The following RASGEF1C variants were observed in gnomAD, a reference collection of about 807,000 sequenced individuals.
RASGEF1C encodes ras-GEF domain-containing family member 1C.
Under a neutral mutation model 58.1 loss-of-function variants are expected in RASGEF1C, and 27 were observed. The ratio of observed to expected loss-of-function variants is 0.46; its 90% CI spans 0.34 to 0.64. The LOEUF (loss-of-function observed/expected upper bound fraction) is 0.64, where lower values mean the gene tolerates loss of function less well. Ranked by LOEUF, RASGEF1C falls within the 30% of genes least tolerant of loss-of-function variation. The pLI, the probability that RASGEF1C is intolerant of heterozygous loss-of-function variation, is 0.01. For missense variants in RASGEF1C, 502 were observed against 605.1 expected (o/e 0.83, Z 1.79); for synonymous variants, 243 against 246.3 (o/e 0.99, Z 0.13).
chr5:180,186,101 G>GAAAAAAAAAAAAAAA (rs35778456), intron 1 of RASGEF1C, among the ~76,000 whole-genome samples: 1 of 81,140 alleles, frequency 1.2e-5, no homozygotes. Flanking sequence ...TATCTCCACA[G>GAAAAAAAAAAAAAAA]AAAAAAAAAA....
intron 1 of RASGEF1C, among the ~76,000 whole-genome samples, chr5:180,159,969 G>A (rs1004521242): frequency 4.6e-5 from 7 of 152,166 alleles, no homozygotes; most frequent in Non-Finnish European, 7.3e-5. Context: ...CACATTGTTT[G>A]GATCCTGAAT....
Position 180,137,974 on chromosome 5 carries a change from C to T in RASGEF1C, c.79G>A (p.Glu27Lys), listed in dbSNP as rs778277079. ...SPPPTEPTDG[E>K]QAGQPLLDGA... ...TCCAGGAGGGGCTGCCCAGCCTGTTCGCCATCTGTGGGCTCGGTGGGGGGT... is the reference window on the plus strand; with the variant it reads ...TCCAGGAGGGGCTGCCCAGCCTGTTTGCCATCTGTGGGCTCGGTGGGGGGT... Residue 27 changes from glutamate to lysine, a missense_variant, in exon 2 of 14, where the codon GAA becomes AAA. Physicochemically the swap from Glu to Lys is moderately conservative, Grantham distance 56. Coordinates refer to ENST00000361132, the MANE Select transcript of RASGEF1C (RefSeq NM_175062.4). The surrounding 1 kb of genome is among the most constrained non-coding windows in gnomAD (Gnocchi z 4.1). 6.2e-6 allele frequency: 10 copies of T among 1,600,376 alleles called. No homozygotes were observed. Among genetic ancestry groups the T allele is most frequent in the Admixed American group, 3.5e-5 (2 of 56,522 alleles).
At chr5:180,110,619 C>A (rs889914668) in intron 12 of RASGEF1C, among the ~76,000 whole-genome samples, 2 of 152,060 alleles carry the variant, frequency 1.3e-5, no homozygotes, top group African/African-American at 2.4e-5. Context: ...GGACCTGCCC[C>A]CTTAGCACGC....
chr5:180,180,780 G>A (rs58748693), intron 1 of RASGEF1C, among the ~76,000 whole-genome samples: 3,689 of 152,298 alleles, frequency 0.024, 139 homozygotes, highest in African/African-American at 0.084. Context: ...AGCTTGAAGC[G>A]TGCAGCTAGA....
intron 11 of RASGEF1C, among the ~76,000 whole-genome samples, chr5:180,112,728 C>T (rs775859888): frequency 1.1e-4 from 17 of 152,254 alleles, no homozygotes; most frequent in Non-Finnish European, 1.5e-4. Context: ...CTCACAGCTA[C>T]GCCGAGACAC....
At chr5:180,154,877 G>A (rs780842353) in intron 1 of RASGEF1C, among the ~76,000 whole-genome samples, 2 of 152,130 alleles carry the variant, frequency 1.3e-5, no homozygotes, top group Non-Finnish European at 2.9e-5. Flanking sequence ...CACCACGCCC[G>A]GCCCACCCTG....
intron 12 of RASGEF1C, among the ~76,000 whole-genome samples, chr5:180,106,473 G>A (rs1765875849): frequency 6.6e-6 from 1 of 152,082 alleles, no homozygotes. Flanking sequence ...AAATTTGATT[G>A]TATTTTCAGT....
At position 180,197,572 on chromosome 5, in the gene RASGEF1C, C is replaced by T. The variant is rs1346744549; in HGVS notation, c.-7+11456G>A. Among the ~76,000 whole-genome samples, 3 of 152,206 alleles carry T rather than the reference C, an allele frequency of 2.0e-5. No homozygotes were observed. The highest frequency in any genetic ancestry group is 4.4e-5 in the Non-Finnish European group (3 of 68,038). ...TAGCCCAGACTGTCAACCGCACAAA[C>T]CCCAGACAGCAGGCTGAGCTCAAGG... is the stretch of plus-strand genomic sequence containing the variant. On this transcript the variant is annotated intron_variant, in intron 1 of 13. Coordinates refer to ENST00000361132, the MANE Select transcript of RASGEF1C (RefSeq NM_175062.4). This position sits in a 1 kb window ranked among gnomAD's most constrained non-coding sequence, Gnocchi z 4.7.
At position 180,156,956 on chromosome 5, in the gene RASGEF1C, A is replaced by G. The variant is rs1766860139; in HGVS notation, c.-6-18898T>C. Among the ~76,000 whole-genome samples the G allele has an allele frequency of 6.6e-6, 1 of 152,228 alleles. No homozygotes were observed. Among genetic ancestry groups the G allele is most frequent in the Non-Finnish European group, 1.5e-5 (1 of 68,050 alleles). On this transcript the variant is annotated intron_variant, in intron 1 of 13. Coordinates refer to ENST00000361132, the MANE Select transcript of RASGEF1C (RefSeq NM_175062.4). This position sits in a 1 kb window ranked among gnomAD's most constrained non-coding sequence, Gnocchi z 4.9. ...ATATGTCATCAGGGAAATGCAAATT[A>G]GAACAAGATACCACTACACACCTAC...
rs775593407 is a variant in RASGEF1C, at chr5:180,197,039, C to A, written c.-7+11989G>T. ...CTGCCCGAGGCTGGCGTCGGTGAGG[C>A]TCCCCTCAGACCTCACCACAGGGCA... is the stretch of plus-strand genomic sequence containing the variant. On this transcript the variant is annotated intron_variant, in intron 1 of 13. Coordinates refer to ENST00000361132, the MANE Select transcript of RASGEF1C (RefSeq NM_175062.4). The surrounding 1 kb of genome is among the most constrained non-coding windows in gnomAD (Gnocchi z 4.7). 2.0e-5 allele frequency among the ~76,000 whole-genome samples: 3 copies of A among 152,220 alleles called. No homozygotes were observed. Among genetic ancestry groups the A allele is most frequent in the Admixed American group, 2.0e-4 (3 of 15,288 alleles).
At chr5:180,105,727 G>C (rs1250321428) in intron 12 of RASGEF1C, among the ~76,000 whole-genome samples, 2 of 152,100 alleles carry the variant, frequency 1.3e-5, no homozygotes, top group Non-Finnish European at 2.9e-5. Context: ...AATTAGCTGG[G>C]CGTGGTGGCT....
intron 4 of RASGEF1C, among the ~76,000 whole-genome samples, chr5:180,129,412 C>T (rs1423997002): frequency 6.6e-6 from 1 of 152,180 alleles, no homozygotes; most frequent in Non-Finnish European, 1.5e-5. Context: ...CACAGCTGCC[C>T]ACTGCCATAG....
intron 6 of RASGEF1C, among the ~76,000 whole-genome samples, chr5:180,124,097 C>T (rs1023389530): frequency 1.1e-4 from 17 of 152,088 alleles, no homozygotes; most frequent in Non-Finnish European, 2.2e-4. Flanking sequence ...AATCAGTACA[C>T]GAAAGTCATC....
chr5:180,196,118 A>G (rs1466919416), intron 1 of RASGEF1C, among the ~76,000 whole-genome samples: 1 of 152,182 alleles, frequency 6.6e-6, no homozygotes, highest in Non-Finnish European at 1.5e-5. Context: ...TTGACTATTC[A>G]ATAGAACTCA....
Position 180,152,687 on chromosome 5 carries a change from C to T in RASGEF1C, c.-6-14629G>A, listed in dbSNP as rs1229616445. ...ATGTAACAAACCTGCACGTTATGCA[C>T]ATGTACCCTAGAACTTAAAGTATAA... On this transcript the variant is annotated intron_variant, in intron 1 of 13. Coordinates refer to ENST00000361132, the MANE Select transcript of RASGEF1C (RefSeq NM_175062.4). 4.0e-5 allele frequency among the ~76,000 whole-genome samples: 6 copies of T among 150,168 alleles called. No individual in the cohort carries two copies. In the East Asian group the frequency reaches 1.2e-3, roughly 29 times the overall value.
In RASGEF1C at chr5:180,143,808, T is replaced by C. The variant is rs997082335; in HGVS notation, c.-6-5750A>G. 1.3e-5 allele frequency among the ~76,000 whole-genome samples: 2 copies of C among 152,126 alleles called. No homozygotes were observed. The highest frequency in any genetic ancestry group is 2.4e-5 in the African/African-American group (1 of 41,434). On this transcript the variant is annotated intron_variant, in intron 1 of 13. Coordinates refer to ENST00000361132, the MANE Select transcript of RASGEF1C (RefSeq NM_175062.4). This position sits in a 1 kb window ranked among gnomAD's most constrained non-coding sequence, Gnocchi z 4.3. The stretch of plus-strand genomic sequence containing the variant: ...GCTGGGGTCCCCACATCCCTCAGCA[T>C]GGGTGGCTGGCATTAAACATCTGCA...
intron 1 of RASGEF1C, among the ~76,000 whole-genome samples, chr5:180,139,290 C>T (rs1032338362): frequency 6.6e-6 from 1 of 152,214 alleles, no homozygotes; most frequent in Non-Finnish European, 1.5e-5. Flanking sequence ...CATTCTTGAT[C>T]GTGGAGTCCT....
chr5:180,122,690 G>A (rs1252853412), intron 6 of RASGEF1C, among the ~76,000 whole-genome samples: 5 of 146,776 alleles, frequency 3.4e-5, no homozygotes, highest in African/African-American at 7.5e-5. Flanking sequence ...GCAGTGAGCC[G>A]AGATTGTGCC....
chr5:180,134,101 C>T (rs921602851), intron 4 of RASGEF1C, among the ~76,000 whole-genome samples: 1 of 152,216 alleles, frequency 6.6e-6, no homozygotes, highest in Non-Finnish European at 1.5e-5. Context: ...CTCCAGGGCT[C>T]TTCCATCCCA....
Sources: allele counts gnomAD v4.1 joint callset (sites outside exome capture counted in the v4.1 genomes callset), GRCh38; gene constraint gnomAD v4.1.1; non-coding constraint Gnocchi (gnomAD v3.1); transcripts MANE v1.5; gene names NCBI Gene and HGNC (gene_info 2026-07-23, HGNC 2026-07-21).